The following PTPN5 variants were observed in gnomAD, a reference collection of about 807,000 sequenced individuals.
PTPN5 encodes the protein protein tyrosine phosphatase non-receptor type 5.
In PTPN5, 29 loss-of-function variants were observed where a neutral mutation model predicts 73.9. That is an observed-to-expected ratio of 0.39 (90% CI 0.29 to 0.54). The LOEUF (loss-of-function observed/expected upper bound fraction) is 0.54, where lower values mean the gene tolerates loss of function less well. PTPN5 is among the 20% of genes least tolerant of loss of function. PTPN5 has a pLI of 0.65. For missense variants in PTPN5, 652 were observed against 751.4 expected (o/e 0.87, Z 1.55); for synonymous variants, 267 against 304.7 (o/e 0.88, Z 1.29).
chr11:18,769,788 G>A (rs977333973), intron 2 of PTPN5, among the ~76,000 whole-genome samples: 1 of 152,220 alleles, frequency 6.6e-6, no homozygotes, highest in African/African-American at 2.4e-5. Flanking sequence ...AAAGAGCAAG[G>A]CATGGAGGCC....
intron 1 of PTPN5, among the ~76,000 whole-genome samples, chr11:18,784,525 C>T (rs1244033719): frequency 1.3e-5 from 2 of 152,268 alleles, no homozygotes; most frequent in East Asian, 3.9e-4. Context: ...TTAATGAGTA[C>T]AGCGATTCAG....
intron 3 of PTPN5, among the ~76,000 whole-genome samples, chr11:18,754,738 T>C (rs932870781): frequency 5.9e-5 from 9 of 152,240 alleles, no homozygotes; most frequent in African/African-American, 2.2e-4. Flanking sequence ...AAGTCATCCA[T>C]ACTCTTGCCT....
At chr11:18,743,473 C>A (rs774843133) in intron 4 of PTPN5, 44 bp from the exon 5 acceptor site, 3 of 1,536,158 alleles carry the variant, frequency 2.0e-6, no homozygotes, top group Non-Finnish European at 2.7e-6. Context: ...CGGCCCCCTT[C>A]CCCCGTGTTC....
At chr11:18,774,633 G>A (rs780947928) in intron 1 of PTPN5, among the ~76,000 whole-genome samples, 16 of 152,214 alleles carry the variant, frequency 1.1e-4, no homozygotes, top group Non-Finnish European at 2.1e-4. Flanking sequence ...ACCCTGCTGG[G>A]ACCAAAGTAG....
chr11:18,751,843 C>G (rs1590543696), intron 3 of PTPN5, among the ~76,000 whole-genome samples: 1 of 152,212 alleles, frequency 6.6e-6, no homozygotes, highest in African/African-American at 2.4e-5. Context: ...TTTCTCCCAT[C>G]AATAGGTGGC....
chr11:18,788,765 G>A (rs1851783619), intron 1 of PTPN5, among the ~76,000 whole-genome samples: 1 of 152,212 alleles, frequency 6.6e-6, no homozygotes, highest in African/African-American at 2.4e-5. Flanking sequence ...GATCATCTGA[G>A]CTGGAGGCCT....
intron 3 of PTPN5, among the ~76,000 whole-genome samples, chr11:18,744,756 G>A (rs143940239): frequency 2.6e-5 from 4 of 152,258 alleles, no homozygotes; most frequent in East Asian, 1.9e-4. Context: ...GCGAAGTGCC[G>A]GAAAATCTTG....
chr11:18,760,346 C>T (rs1850332837), intron 3 of PTPN5, among the ~76,000 whole-genome samples: 1 of 152,228 alleles, frequency 6.6e-6, no homozygotes, highest in South Asian at 2.1e-4. Flanking sequence ...ACAAAGCTTT[C>T]CTTGATTCAG....
intron 3 of PTPN5, among the ~76,000 whole-genome samples, chr11:18,748,417 C>T (rs1287024041): frequency 6.6e-6 from 1 of 152,142 alleles, no homozygotes; most frequent in Non-Finnish European, 1.5e-5. Flanking sequence ...TTTAAGACTA[C>T]TGGTCACCTG....
intron 2 of PTPN5, among the ~76,000 whole-genome samples, chr11:18,767,482 AG>A (rs1196061307): frequency 6.6e-6 from 1 of 152,176 alleles, no homozygotes; most frequent in African/African-American, 2.4e-5. Flanking sequence ...TCTTGGTCCC[AG>A]CCACCATCAT....
intron 3 of PTPN5, among the ~76,000 whole-genome samples, chr11:18,756,389 C>T (rs1481485183): frequency 3.3e-5 from 5 of 151,258 alleles, no homozygotes; most frequent in Admixed American, 6.6e-5. Flanking sequence ...CTCTGCTTCC[C>T]GGGTTCAAGT....
Position 18,740,710 on chromosome 11 carries a change from G to A in PTPN5, c.808C>T (p.Arg270Cys), listed in dbSNP as rs367543228. 16 of 1,607,484 alleles carry A rather than the reference G, an allele frequency of 1.0e-5. No individual in the cohort carries two copies. The Middle Eastern group carries it at 6.6e-4, about 66-fold the overall frequency. The change falls in exon 8 of 15, where the codon CGT becomes TGT. Residue 270 changes from arginine to cysteine, a missense_variant. This residue lies in a region of PTPN5 where 529 missense variants were observed against 573.9 expected (regional missense o/e 0.92). Transcript: ENST00000358540. Reference sequence around the variant, plus strand: ...AGGTACTCGCGGGCGGACTCCTCACGTGGGGACATGAGATAGCCAAAGCCC... The same window carrying A: ...AGGTACTCGCGGGCGGACTCCTCACATGGGGACATGAGATAGCCAAAGCCC... The part of the protein sequence containing the change: ...EEGFGYLMSP[R>C]EESAREYLLS...
In PTPN5 at chr11:18,733,143, CTT is replaced by C. The variant is rs1284387948; in HGVS notation, c.1218+90_1218+91del. 2 of 1,537,914 alleles carry C rather than the reference CTT, an allele frequency of 1.3e-6. No individual in the cohort carries two copies. Among genetic ancestry groups the C allele is most frequent in the South Asian group, 1.2e-5 (1 of 82,174 alleles). On this transcript the variant is annotated intron_variant, in intron 11 of 14. Transcript: ENST00000358540. This position sits in a 1 kb window ranked among gnomAD's most constrained non-coding sequence, Gnocchi z 4.3. ...GCAGCGGAGTGAACACCGCCGACCT[CTT>C]GAGATTGTCATAAAGATTAATTTGA...
At chr11:18,776,380 TC>T (rs1851158168) in intron 1 of PTPN5, among the ~76,000 whole-genome samples, 1 of 151,826 alleles carries the variant, frequency 6.6e-6, no homozygotes, top group East Asian at 1.9e-4. Context: ...CCTCCCCAAC[TC>T]CCTTAGGAAG....
intron 1 of PTPN5, among the ~76,000 whole-genome samples, chr11:18,779,623 TGG>T (rs1851330864): frequency 1.3e-5 from 2 of 152,150 alleles, no homozygotes; most frequent in Non-Finnish European, 2.9e-5. Context: ...TCCCTGGTCC[TGG>T]GCCAAGGATG....
At position 18,729,040 on chromosome 11, in the gene PTPN5, G is replaced by C. The variant is rs1848749837; in HGVS notation, c.1605-13C>G. On this transcript the variant is annotated splice_polypyrimidine_tract_variant and intron_variant, in intron 14 of 14. Transcript: ENST00000358540. This position sits in a 1 kb window ranked among gnomAD's most constrained non-coding sequence, Gnocchi z 5.2. ...GATCATGCCGCCCCTGCCCGGCAGA[G>C]ATGCACAGTGGGGGCAGGGTCGTGG... is the stretch of plus-strand genomic sequence containing the variant. The C allele has an allele frequency of 6.8e-6, 11 of 1,613,136 alleles. No homozygotes were observed. The highest frequency in any genetic ancestry group is 9.3e-6 in the Non-Finnish European group (11 of 1,179,756).
chr11:18,729,933 T>C lies in PTPN5; in HGVS notation c.1330-115A>G. ...AAGAACACAGGAAGAACACTGAGAG[T>C]GGGACCCCTTCACCCTTCCATCTAG... On this transcript the variant is annotated intron_variant, in intron 12 of 14. Coordinates refer to ENST00000358540, the MANE Select transcript of PTPN5 (RefSeq NM_006906.2). The surrounding 1 kb of genome is among the most constrained non-coding windows in gnomAD (Gnocchi z 5.2). 7.3e-7 allele frequency: 1 copy of C among 1,361,018 alleles called. No homozygotes were observed. The highest frequency in any genetic ancestry group is 1.0e-6 in the Non-Finnish European group (1 of 964,024). 84.3% of individuals were successfully genotyped at this position (1,361,018 alleles called of 1,614,324 possible). A position where few individuals can be genotyped will look rare whatever the true frequency, so the allele number is the denominator to read the frequency against.
At chr11:18,790,272 A>C (rs1225914048) in intron 1 of PTPN5, among the ~76,000 whole-genome samples, 1 of 152,040 alleles carries the variant, frequency 6.6e-6, no homozygotes, top group Non-Finnish European at 1.5e-5. Context: ...AAGGAGAAAG[A>C]GGTGGGGACC....
chr11:18,731,163 T>A (rs2078933579), intron 12 of PTPN5, among the ~76,000 whole-genome samples: 2 of 142,042 alleles, frequency 1.4e-5, no homozygotes, highest in African/African-American at 5.7e-5. Context: ...TATATTTATA[T>A]TTTATATATA....
Sources: gnomAD v4.1 joint callset for allele counts (sites outside exome capture counted in the v4.1 genomes callset) on GRCh38, gnomAD v4.1.1 for gene constraint, gnomAD v4.1.1 regional missense constraint, Gnocchi (gnomAD v3.1) non-coding constraint, MANE v1.5 for transcripts, NCBI Gene and HGNC (gene_info 2026-07-23, HGNC 2026-07-21) for gene names.